Variants in KANK1 observed in about 807,000 individuals in gnomAD.
The protein encoded by KANK1 is KN motif and ankyrin repeat domains 1, also known as KN motif and ankyrin repeat domain-containing protein 1.
A neutral mutation model predicts 106.2 loss-of-function variants in KANK1; 109 were observed. The ratio of observed to expected loss-of-function variants is 1.03; its 90% CI spans 0.88 to 1.20. The LOEUF (loss-of-function observed/expected upper bound fraction) is 1.20. KANK1 is among the 50% of genes most tolerant of loss of function. KANK1 has a pLI of 0.00. For synonymous variants in KANK1, 873 were observed against 652.2 expected (o/e 1.34, Z -5.16); for missense variants, 2,399 against 1,710.7 (o/e 1.40, Z -7.10).
intron 1 of KANK1, among the ~76,000 whole-genome samples, chr9:564,234 G>A (rs1817248702): frequency 6.6e-6 from 1 of 151,590 alleles, no homozygotes. Context: ...TAATTTTTTT[G>A]TGTTTTTTAG....
At chr9:569,944 C>T (rs759382992) in intron 1 of KANK1, among the ~76,000 whole-genome samples, 1 of 151,942 alleles carries the variant, frequency 6.6e-6, no homozygotes, top group Non-Finnish European at 1.5e-5. Context: ...TGTAAGGTTT[C>T]TGTTTTCATT....
chr9:494,031 C>T (rs2058420515), intron 3 of KANK1, among the ~76,000 whole-genome samples: 1 of 151,878 alleles, frequency 6.6e-6, no homozygotes, highest in Non-Finnish European at 1.5e-5. Flanking sequence ...TACAGGTGCA[C>T]ACCGCCATGC....
At chr9:716,928 A>G (rs1476023815) in intron 3 of KANK1, among the ~76,000 whole-genome samples, 1 of 149,506 alleles carries the variant, frequency 6.7e-6, no homozygotes, top group East Asian at 2.0e-4. Context: ...GGCTGCAGTG[A>G]GCTGTGATCA....
At chr9:704,082 C>T (rs981612400) in intron 2 of KANK1, among the ~76,000 whole-genome samples, 6 of 152,162 alleles carry the variant, frequency 3.9e-5, no homozygotes, top group African/African-American at 1.4e-4. Context: ...AACACTTTTC[C>T]AGTTAATAAT....
intron 1 of KANK1, chr9:673,540 G>C (rs1356568396): frequency 6.6e-6 from 1 of 152,196 alleles, no homozygotes; most frequent in African/African-American, 2.4e-5. Flanking sequence ...CCAGTGATAT[G>C]CTTACAGTTC....
intron 2 of KANK1, among the ~76,000 whole-genome samples, chr9:710,177 C>T (rs1322298565): frequency 5.3e-5 from 8 of 152,208 alleles, no homozygotes; most frequent in Non-Finnish European, 1.0e-4. Context: ...TTGTAACAAG[C>T]CTGCACATGT....
chr9:682,211 C>G (rs182574459), intron 2 of KANK1, among the ~76,000 whole-genome samples: 1 of 151,052 alleles, frequency 6.6e-6, no homozygotes, highest in Non-Finnish European at 1.5e-5. Flanking sequence ...ACCCGGGAGA[C>G]GAAGGTTGCA....
At chr9:590,877 A>T (rs1278660326) in intron 1 of KANK1, among the ~76,000 whole-genome samples, 1 of 151,850 alleles carries the variant, frequency 6.6e-6, no homozygotes, top group Admixed American at 6.6e-5. Context: ...TTATTTTCTT[A>T]TAAAATTAGG....
chr9:732,468 T>TGAA lies in KANK1; in HGVS notation c.3102_3104dup (p.Glu1039dup). On this transcript the variant is annotated inframe_insertion, in exon 6 of 12. Coordinates refer to ENST00000382297, the MANE Select transcript of KANK1 (RefSeq NM_015158.5). Reference sequence around the variant, plus strand: ...AGTGTGATGTCATTGAGTATCCTCTTGAAGAAGAGGAGGAGGAGGAGGATG... The same window carrying TGAA: ...AGTGTGATGTCATTGAGTATCCTCTTGAAGAAGAAGAGGAGGAGGAGGAGGATG... 1 of 1,614,092 alleles carries TGAA rather than the reference T, an allele frequency of 6.2e-7. No individual in the cohort carries two copies. The highest frequency in any genetic ancestry group is 8.5e-7 in the Non-Finnish European group (1 of 1,179,996).
rs112280963 is a variant in KANK1 at position 645,105 on chromosome 9, C to T, written c.-83-31785C>T. Among the ~76,000 whole-genome samples the T allele has an allele frequency of 1.0e-3, 110 of 109,158 alleles. 2 individuals are homozygous for T. The highest frequency in any genetic ancestry group is 4.4e-3 in the African/African-American group (104 of 23,686). The allele number at this position is 109,158 out of a possible 152,430, so 71.6% of individuals were successfully genotyped here. ...CACCACTGCACTCCAGCCTCAGCAA[C>T]GGGGCAAGACTCCATCTCTACAAAA... On this transcript the variant is annotated intron_variant, in intron 1 of 11. Coordinates refer to ENST00000382297, the MANE Select transcript of KANK1 (RefSeq NM_015158.5).
intron 1 of KANK1, among the ~76,000 whole-genome samples, chr9:519,339 A>T (rs188844934): frequency 1.9e-3 from 284 of 151,804 alleles, no homozygotes; most frequent in Admixed American, 3.1e-3. Context: ...ATCTGCCACA[A>T]ATTTGCAAAA....
chr9:731,270 A>C lies in KANK1; in HGVS notation c.3005+4A>C. The C allele has an allele frequency of 6.4e-7, 1 of 1,551,208 alleles. No homozygotes were observed. Among genetic ancestry groups the C allele is most frequent in the African/African-American group, 1.4e-5 (1 of 73,718 alleles). ...AGTTTGTTGGCATTAATGGAGGGTA[A>C]GGAAAGATGGTGGTTCTAGAGGCTA... On this transcript the variant is annotated splice_donor_region_variant and intron_variant, in intron 5 of 11. Transcript: ENST00000382297.
At chr9:495,047 T>C (rs2058436497) in intron 3 of KANK1, among the ~76,000 whole-genome samples, 1 of 152,260 alleles carries the variant, frequency 6.6e-6, no homozygotes, top group Non-Finnish European at 1.5e-5. Flanking sequence ...CTTACTTGTT[T>C]AGATAATAAC....
rs988871373 is a variant in KANK1 at position 712,780 on chromosome 9, G to A, written c.2014G>A (p.Asp672Asn). Residue 672 changes from aspartate to asparagine, a missense_variant, in exon 3 of 12, where the codon GAC becomes AAC. Asp to Asn is a conservative substitution (Grantham distance 23). Transcript: ENST00000382297. Reference protein sequence around the residue: ...VMAVPRTADQDTSTDLEQVHQ... With the variant: ...VMAVPRTADQNTSTDLEQVHQ... ...GGCAGTGCCTCGTACTGCAGACCAG[G>A]ACACTAGCACAGATTTGGAACAGGT... The A allele has an allele frequency of 5.0e-6, 8 of 1,613,752 alleles. No homozygotes were observed. The highest frequency in any genetic ancestry group is 6.8e-6 in the Non-Finnish European group (8 of 1,179,918).
intron 1 of KANK1, among the ~76,000 whole-genome samples, chr9:580,285 C>G (rs2641972): frequency 0.52 from 78,772 of 152,078 alleles, 20,944 homozygotes; most frequent in South Asian, 0.6. Context: ...GCAGACCTTC[C>G]TGGTGTTACA....
intron 1 of KANK1, among the ~76,000 whole-genome samples, chr9:669,119 T>C (rs1196742886): frequency 6.6e-6 from 1 of 152,174 alleles, no homozygotes; most frequent in African/African-American, 2.4e-5. Flanking sequence ...TTTTGACTTT[T>C]GTGGGCCTGA....
intron 11 of KANK1, 173 bp from the exon 12 acceptor site, chr9:745,000 C>T: frequency 6.7e-7 from 1 of 1,498,898 alleles, no homozygotes; most frequent in East Asian, 2.3e-5. Context: ...CACTGCTGAG[C>T]CCAGCTGGCC....
intron 2 of KANK1, chr9:473,183 C>A (rs1564105989): frequency 6.6e-6 from 1 of 152,202 alleles, no homozygotes; most frequent in Non-Finnish European, 1.5e-5. Flanking sequence ...TTTCATAATT[C>A]CTTTCTACAG....
intron 1 of KANK1, among the ~76,000 whole-genome samples, chr9:565,853 C>G (rs144320490): frequency 2.5e-4 from 38 of 152,256 alleles, no homozygotes; most frequent in African/African-American, 9.1e-4. Context: ...TCATTTATAC[C>G]TACGCTTTTA....
Sources: gnomAD v4.1 joint callset for allele counts (sites outside exome capture counted in the v4.1 genomes callset) on GRCh38, gnomAD v4.1.1 for gene constraint, MANE v1.5 for transcripts, NCBI Gene and HGNC (gene_info 2026-07-23, HGNC 2026-07-21) for gene names.